The following FSTL5 variants were observed in gnomAD, a reference collection of about 807,000 sequenced individuals.
The protein encoded by FSTL5 is follistatin-related protein 5.
Under a neutral mutation model 89.1 loss-of-function variants are expected in FSTL5, and 62 were observed. The observed-to-expected ratio is 0.70, with a 90% CI of 0.57 to 0.86. The LOEUF (loss-of-function observed/expected upper bound fraction) is 0.86, where lower values mean the gene tolerates loss of function less well. Ranked by LOEUF, FSTL5 falls within the 40% of genes least tolerant of loss-of-function variation. The pLI, the probability that FSTL5 is intolerant of heterozygous loss-of-function variation, is 0.00. For missense variants in FSTL5, 1,057 were observed against 1,001.6 expected, an observed-to-expected ratio of 1.06 and a Z score of -0.75; for synonymous variants, 383 against 346.2, an observed-to-expected ratio of 1.11 and a Z score of -1.18.
intron 7 of FSTL5, among the ~76,000 whole-genome samples, chr4:161,633,559 A>T (rs1024540361): frequency 1.3e-5 from 2 of 151,872 alleles, no homozygotes; most frequent in Non-Finnish European, 2.9e-5. Context: ...GTTGGCCAGG[A>T]TGGTCTCGAT....
chr4:161,829,357 A>AT (rs1363891632), intron 4 of FSTL5, among the ~76,000 whole-genome samples: 3 of 150,964 alleles, frequency 2.0e-5, no homozygotes, highest in African/African-American at 4.9e-5. Flanking sequence ...AAATGAAGTA[A>AT]TTTTTTTTCA....
chr4:161,956,543 A>G (rs1308742432), intron 3 of FSTL5, among the ~76,000 whole-genome samples: 9 of 151,974 alleles, frequency 5.9e-5, no homozygotes, highest in Non-Finnish European at 1.3e-4. Context: ...CTAAAGACAC[A>G]AAAGATTAGT....
At chr4:161,832,871 T>C (rs1274310761) in intron 4 of FSTL5, among the ~76,000 whole-genome samples, 2 of 150,444 alleles carry the variant, frequency 1.3e-5, no homozygotes, top group Non-Finnish European at 3.0e-5. Context: ...TTTTTGTGTC[T>C]CTATTTCCTT....
intron 15 of FSTL5, among the ~76,000 whole-genome samples, chr4:161,443,427 T>C (rs1309422327): frequency 6.6e-6 from 1 of 152,072 alleles, no homozygotes; most frequent in Non-Finnish European, 1.5e-5. Context: ...AATTTGGATC[T>C]ATATCCTTAT....
chr4:161,889,911 A>G (rs1732933517), intron 4 of FSTL5, among the ~76,000 whole-genome samples: 1 of 152,198 alleles, frequency 6.6e-6, no homozygotes. Flanking sequence ...CAGGAATACA[A>G]AAGTTGAGTT....
chr4:161,659,060 T>C (rs1253404188), intron 6 of FSTL5, among the ~76,000 whole-genome samples: 1 of 152,208 alleles, frequency 6.6e-6, no homozygotes, highest in Non-Finnish European at 1.5e-5. Context: ...ATGCTGAGAT[T>C]TGGCATAACA....
intron 4 of FSTL5, among the ~76,000 whole-genome samples, chr4:161,802,587 A>G (rs1441845495): frequency 6.6e-6 from 1 of 151,752 alleles, no homozygotes; most frequent in Non-Finnish European, 1.5e-5. Context: ...TGTATTTAGT[A>G]TTAGGCTAAT....
In FSTL5 at chr4:161,770,073, G is replaced by A. The variant is rs575479403; in HGVS notation, c.606+5805C>T. ...CCTGTCATTTGCAACAACATGGATG[G>A]AACTGGAGATCATTATGTTACATGA... is the stretch of plus-strand genomic sequence containing the variant. On this transcript the variant is annotated intron_variant, in intron 5 of 15. Coordinates refer to ENST00000306100, the MANE Select transcript of FSTL5 (RefSeq NM_020116.5). Among the ~76,000 whole-genome samples the A allele has an allele frequency of 3.9e-5, 6 of 152,066 alleles. No individual in the cohort carries two copies. In the East Asian group the frequency reaches 1.2e-3, roughly 29 times the overall value.
chr4:162,142,819 C>A (rs1229652579), intron 1 of FSTL5, among the ~76,000 whole-genome samples: 1 of 152,122 alleles, frequency 6.6e-6, no homozygotes, highest in Non-Finnish European at 1.5e-5. Context: ...AGCTATGTGA[C>A]TTTAGTCAAA....
At chr4:161,621,999 A>AAAAAT (rs1560983592) in intron 7 of FSTL5, among the ~76,000 whole-genome samples, 1 of 151,948 alleles carries the variant, frequency 6.6e-6, no homozygotes, top group Non-Finnish European at 1.5e-5. Flanking sequence ...TCCCTCTCAA[A>AAAAAT]AAAATAAAAT....
intron 15 of FSTL5, among the ~76,000 whole-genome samples, chr4:161,389,704 A>G (rs944512905): frequency 6.6e-6 from 1 of 152,184 alleles, no homozygotes; most frequent in African/African-American, 2.4e-5. Flanking sequence ...AGAGGATAAA[A>G]GTACTACCTT....
intron 6 of FSTL5, among the ~76,000 whole-genome samples, chr4:161,725,956 A>G (rs1300873856): frequency 6.6e-6 from 1 of 152,208 alleles, no homozygotes; most frequent in Non-Finnish European, 1.5e-5. Context: ...AACCACAGTT[A>G]CTTTTTCATC....
chr4:161,947,705 C>T (rs1734773951), intron 3 of FSTL5, among the ~76,000 whole-genome samples: 1 of 151,924 alleles, frequency 6.6e-6, no homozygotes, highest in East Asian at 1.9e-4. Flanking sequence ...TTGGGCTAGT[C>T]GAGATCTGTT....
intron 3 of FSTL5, among the ~76,000 whole-genome samples, chr4:161,974,346 A>T (rs577779971): frequency 4.6e-5 from 7 of 151,866 alleles, no homozygotes; most frequent in Middle Eastern, 3.4e-3. Context: ...ACCTGACTTC[A>T]AACTATACTA....
At chr4:161,491,292 A>C (rs1729866054) in intron 12 of FSTL5, among the ~76,000 whole-genome samples, 2 of 152,018 alleles carry the variant, frequency 1.3e-5, no homozygotes, top group South Asian at 4.1e-4. Flanking sequence ...TCTATCTTTT[A>C]ATTTTTCAAA....
chr4:162,011,583 T>G (rs1736769874), intron 3 of FSTL5, among the ~76,000 whole-genome samples: 1 of 152,000 alleles, frequency 6.6e-6, no homozygotes, highest in African/African-American at 2.4e-5. Flanking sequence ...AAACTCTGCC[T>G]CCCAGGTTCA....
chr4:161,447,119 C>T (rs750282664), intron 15 of FSTL5, among the ~76,000 whole-genome samples: 13 of 152,034 alleles, frequency 8.6e-5, no homozygotes, highest in Admixed American at 2.0e-4. Flanking sequence ...TTTTACTTTG[C>T]ATAATAAAAC....
chr4:161,556,374 AT>A (rs1732393274), intron 8 of FSTL5, among the ~76,000 whole-genome samples: 1 of 151,498 alleles, frequency 6.6e-6, no homozygotes. Context: ...AGCTAGCCTT[AT>A]TTTCTACCAC....
chr4:162,118,030 A>G (rs895856472), intron 1 of FSTL5, among the ~76,000 whole-genome samples: 15 of 152,214 alleles, frequency 9.9e-5, no homozygotes, highest in Non-Finnish European at 1.9e-4. Flanking sequence ...TAGGCTTTCA[A>G]TGGGAAGTTC....
Sources: gnomAD v4.1 joint callset for allele counts (sites outside exome capture counted in the v4.1 genomes callset) on GRCh38, gnomAD v4.1.1 for gene constraint, MANE v1.5 for transcripts, NCBI Gene and HGNC (gene_info 2026-07-23, HGNC 2026-07-21) for gene names.